The following SGCZ variants were observed in gnomAD, a reference collection of about 807,000 sequenced individuals.
The protein encoded by SGCZ is sarcoglycan zeta.
Under a neutral mutation model 41.3 loss-of-function variants are expected in SGCZ, and 40 were observed. The ratio of observed to expected loss-of-function variants is 0.97; its 90% CI spans 0.75 to 1.26. The LOEUF (loss-of-function observed/expected upper bound fraction) is 1.26, where lower values mean the gene tolerates loss of function less well. Ranked by LOEUF, SGCZ falls within the 50% of genes most tolerant of loss-of-function variation. The probability of loss-of-function intolerance (pLI) is 0.00; values close to 1 mark genes in which losing one functional copy is unlikely to be tolerated. For synonymous variants in SGCZ, 206 were observed against 137.5 expected, an observed-to-expected ratio of 1.50 and a Z score of -3.49; for missense variants, 552 against 369.8, an observed-to-expected ratio of 1.49 and a Z score of -4.04.
intron 1 of SGCZ, among the ~76,000 whole-genome samples, chr8:15,053,861 C>G (rs1585515610): frequency 6.6e-6 from 1 of 152,170 alleles, no homozygotes. Context: ...CATAAACTGG[C>G]ATTTCATGCT....
intron 1 of SGCZ, among the ~76,000 whole-genome samples, chr8:15,012,808 T>C (rs1277771283): frequency 6.7e-6 from 1 of 150,294 alleles, no homozygotes; most frequent in Non-Finnish European, 1.5e-5. Flanking sequence ...CATATATATA[T>C]ATACGTATAC....
At chr8:14,445,366 C>T (rs768542922) in intron 2 of SGCZ, among the ~76,000 whole-genome samples, 2 of 152,170 alleles carry the variant, frequency 1.3e-5, no homozygotes, top group African/African-American at 4.8e-5. Context: ...TAACCCACAC[C>T]TATCCTTTGC....
intron 1 of SGCZ, among the ~76,000 whole-genome samples, chr8:14,698,125 T>C (rs1473905109): frequency 6.6e-6 from 1 of 152,012 alleles, no homozygotes; most frequent in East Asian, 1.9e-4. Flanking sequence ...ATAATCGCCT[T>C]TCTAGCAGTC....
chr8:14,990,115 C>A (rs1801958798), intron 1 of SGCZ, among the ~76,000 whole-genome samples: 1 of 152,158 alleles, frequency 6.6e-6, no homozygotes, highest in East Asian at 1.9e-4. Flanking sequence ...CTGCACACAG[C>A]CTGGTCTTCT....
chr8:14,921,649 G>C (rs549142049), intron 1 of SGCZ, among the ~76,000 whole-genome samples: 1 of 152,030 alleles, frequency 6.6e-6, no homozygotes, highest in Non-Finnish European at 1.5e-5. Flanking sequence ...GCCAGAATTT[G>C]CTTGTAATGG....
chr8:14,382,660 G>A (rs758264490), intron 2 of SGCZ, among the ~76,000 whole-genome samples: 1 of 152,162 alleles, frequency 6.6e-6, no homozygotes, highest in Admixed American at 6.5e-5. Flanking sequence ...TTTTTGCTAG[G>A]TGATAAGGTA....
At chr8:15,029,055 T>C (rs757424729) in intron 1 of SGCZ, among the ~76,000 whole-genome samples, 1 of 152,092 alleles carries the variant, frequency 6.6e-6, no homozygotes, top group Non-Finnish European at 1.5e-5. Flanking sequence ...TAATTGAAGA[T>C]GATTGGGAGA....
intron 2 of SGCZ, among the ~76,000 whole-genome samples, chr8:14,375,079 G>C (rs1585421630): frequency 6.6e-6 from 1 of 151,896 alleles, no homozygotes; most frequent in East Asian, 1.9e-4. Context: ...GGAATTGAGA[G>C]GCCAGAAAAG....
At chr8:14,445,553 G>A (rs182516652) in intron 2 of SGCZ, among the ~76,000 whole-genome samples, 1 of 152,188 alleles carries the variant, frequency 6.6e-6, no homozygotes, top group East Asian at 1.9e-4. Context: ...CCCTTCTCCA[G>A]CTGCCCTCTC....
chr8:15,029,609 G>C lies in SGCZ; in HGVS notation c.39+207976C>G, dbSNP rs186137339. On this transcript the variant is annotated intron_variant, in intron 1 of 7. Coordinates refer to ENST00000382080, the MANE Select transcript of SGCZ (RefSeq NM_139167.4). Reference sequence around the variant, plus strand: ...TAACAATGTATGTTAAATAAATTTTGTTCCCTTTACTCATAAGGGGGAAAT... The same window carrying C: ...TAACAATGTATGTTAAATAAATTTTCTTCCCTTTACTCATAAGGGGGAAAT... Among the ~76,000 whole-genome samples the C allele has an allele frequency of 5.8e-4, 88 of 152,124 alleles. 1 individual carries two copies. The highest frequency in any genetic ancestry group is 1.5e-3 in the South Asian group (7 of 4,822).
At chr8:14,157,760 G>A (rs980960214) in intron 5 of SGCZ, among the ~76,000 whole-genome samples, 3 of 151,882 alleles carry the variant, frequency 2.0e-5, no homozygotes, top group Admixed American at 6.6e-5. Context: ...GAAGAAGGTG[G>A]GTAAGTAATA....
At chr8:14,315,336 T>C (rs981550434) in intron 3 of SGCZ, among the ~76,000 whole-genome samples, 1 of 152,134 alleles carries the variant, frequency 6.6e-6, no homozygotes, top group African/African-American at 2.4e-5. Flanking sequence ...TGCCTTGCTA[T>C]AGGTTACCGG....
intron 1 of SGCZ, among the ~76,000 whole-genome samples, chr8:14,905,496 C>A (rs1273730283): frequency 1.3e-5 from 2 of 151,970 alleles, no homozygotes; most frequent in Non-Finnish European, 2.9e-5. Flanking sequence ...CTTGGAGAGC[C>A]AATGTGGACC....
chr8:14,866,073 G>C (rs944743145), intron 1 of SGCZ, among the ~76,000 whole-genome samples: 1 of 151,810 alleles, frequency 6.6e-6, no homozygotes, highest in African/African-American at 2.4e-5. Flanking sequence ...CTCCTATTTA[G>C]GCCTTACAAT....
chr8:14,206,510 G>C lies in SGCZ; in HGVS notation c.424+31082C>G, dbSNP rs57528142. Among the ~76,000 whole-genome samples the C allele has an allele frequency of 4.2e-3, 642 of 152,210 alleles. 2 individuals carry two copies. Among genetic ancestry groups the C allele is most frequent in the African/African-American group, 0.015 (615 of 41,554 alleles). On this transcript the variant is annotated intron_variant, in intron 4 of 7. Coordinates refer to ENST00000382080, the MANE Select transcript of SGCZ (RefSeq NM_139167.4). Reference sequence around the variant, plus strand: ...AAAATCTAAGCTGCCAACAAGGAGAGTTATAAAACATTTGAAATCCTGCTT... The same window carrying C: ...AAAATCTAAGCTGCCAACAAGGAGACTTATAAAACATTTGAAATCCTGCTT...
chr8:15,186,078 T>A (rs909066775), intron 1 of SGCZ, among the ~76,000 whole-genome samples: 14 of 137,412 alleles, frequency 1.0e-4, no homozygotes, highest in African/African-American at 3.2e-4. Flanking sequence ...AAAAAATAAA[T>A]AAATAAAAAA....
chr8:14,442,108 G>T (rs1439820224), intron 2 of SGCZ, among the ~76,000 whole-genome samples: 2 of 152,154 alleles, frequency 1.3e-5, no homozygotes, highest in African/African-American at 4.8e-5. Flanking sequence ...CTTTTCCTGA[G>T]ATCACTGAAA....
chr8:14,298,159 C>T (rs1427016), intron 3 of SGCZ, among the ~76,000 whole-genome samples: 151,057 of 152,080 alleles, frequency 0.99, 75,032 homozygotes, highest in East Asian at 1. Flanking sequence ...ATTTAAAACA[C>T]ATTCATGATA....
intron 1 of SGCZ, among the ~76,000 whole-genome samples, chr8:14,790,829 GAGA>G (rs951666311): frequency 7.2e-5 from 11 of 151,966 alleles, no homozygotes; most frequent in Non-Finnish European, 8.8e-5. Context: ...TCAGGAGTTG[GAGA>G]CCAACCTGGC....
Sources: allele counts gnomAD v4.1 joint callset (sites outside exome capture counted in the v4.1 genomes callset), GRCh38; gene constraint gnomAD v4.1.1; transcripts MANE v1.5; gene names NCBI Gene and HGNC (gene_info 2026-07-23, HGNC 2026-07-21).